DNAJC13: variants seen among roughly 807,000 people sequenced by gnomAD.
DNAJC13 encodes dnaJ homolog subfamily C member 13.
DNAJC13 carries 75 observed loss-of-function variants against 290.5 expected under a neutral mutation model. That is an observed-to-expected ratio of 0.26 (90% CI 0.21 to 0.31). The LOEUF is 0.31. Ranked by LOEUF, DNAJC13 falls within the 10% of genes least tolerant of loss-of-function variation. The pLI is 1.00. For synonymous variants in DNAJC13, 862 were observed against 892.0 expected, an observed-to-expected ratio of 0.97 and a Z score of 0.60; for missense variants, 2,260 against 2,674.5, an observed-to-expected ratio of 0.85 and a Z score of 3.42.
chr3:132,509,970 C>G (rs928294591), intron 43 of DNAJC13, among the ~76,000 whole-genome samples: 5 of 152,176 alleles, frequency 3.3e-5, no homozygotes, highest in African/African-American at 1.2e-4. Flanking sequence ...GAAATAATAC[C>G]AAATGCTTGT....
chr3:132,467,106 T>C, intron 19 of DNAJC13, 64 bp from the exon 20 acceptor site: 2 of 1,535,398 alleles, frequency 1.3e-6, no homozygotes, highest in Non-Finnish European at 1.8e-6. Context: ...TGACTCAGCT[T>C]TACATAGAGT....
At chr3:132,477,667 A>T (rs2062531) in intron 22 of DNAJC13, 122 bp from the exon 23 acceptor site, 1 of 674,844 alleles carries the variant, frequency 1.5e-6, no homozygotes, top group Non-Finnish European at 2.5e-6. Context: ...TGTTAACAAT[A>T]TTGAATTAAC....
chr3:132,447,253 G>T, intron 3 of DNAJC13, 68 bp from the exon 4 acceptor site: 1 of 1,289,622 alleles, frequency 7.8e-7, no homozygotes, highest in Non-Finnish European at 1.0e-6. Flanking sequence ...TGAAATTAAA[G>T]TGACAAAAAT....
At chr3:132,418,325 C>T (rs538216140) in intron 1 of DNAJC13, among the ~76,000 whole-genome samples, 2 of 152,336 alleles carry the variant, frequency 1.3e-5, no homozygotes, top group Admixed American at 6.5e-5. Context: ...TTCACGTGGC[C>T]TTTCCTCCGC....
intron 5 of DNAJC13, 137 bp from the exon 6 acceptor site, chr3:132,450,510 C>A: frequency 1.7e-6 from 1 of 586,806 alleles, no homozygotes; most frequent in Non-Finnish European, 2.9e-6. Flanking sequence ...ATAGTTTTAA[C>A]AATTTGGATA....
intron 32 of DNAJC13, among the ~76,000 whole-genome samples, chr3:132,491,924 G>A (rs530074770): frequency 2.2e-4 from 34 of 152,222 alleles, no homozygotes; most frequent in Non-Finnish European, 4.3e-4. Flanking sequence ...TAGCAACACA[G>A]TTCTTCTGTG....
At chr3:132,446,423 T>C in intron 2 of DNAJC13, 52 bp from the exon 3 acceptor site, 1 of 1,274,556 alleles carries the variant, frequency 7.8e-7, no homozygotes, top group Non-Finnish European at 1.1e-6. Flanking sequence ...TATTTTCTTA[T>C]AAAATATCTT....
At chr3:132,492,861 A>G (rs1323210084) in intron 33 of DNAJC13, among the ~76,000 whole-genome samples, 5 of 151,924 alleles carry the variant, frequency 3.3e-5, no homozygotes, top group African/African-American at 1.2e-4. Flanking sequence ...AGACAAAACA[A>G]ATTTCATGCA....
chr3:132,516,119 A>G (rs1199893704), intron 46 of DNAJC13, among the ~76,000 whole-genome samples: 1 of 152,126 alleles, frequency 6.6e-6, no homozygotes, highest in Non-Finnish European at 1.5e-5. Context: ...TTGGATGTGC[A>G]GTGCACAATG....
chr3:132,458,035 C>T (rs1933673276), intron 13 of DNAJC13: 1 of 152,006 alleles, frequency 6.6e-6, no homozygotes, highest in Non-Finnish European at 1.5e-5. Flanking sequence ...TTTAAAAACC[C>T]ACACTGGTAG....
intron 26 of DNAJC13, among the ~76,000 whole-genome samples, chr3:132,480,856 T>TA (rs1934643931): frequency 6.6e-6 from 1 of 152,200 alleles, no homozygotes; most frequent in Admixed American, 6.5e-5. Flanking sequence ...GACTGATACT[T>TA]AACTTATAGA....
Position 132,511,192 on chromosome 3 carries a change from G to A in DNAJC13, c.5241G>A (p.Pro1747=), listed in dbSNP as rs558102973. 17 of 1,613,704 alleles carry A rather than the reference G, an allele frequency of 1.1e-5. No homozygotes were observed. Among genetic ancestry groups the A allele is most frequent in the Admixed American group, 3.3e-5 (2 of 59,972 alleles). The change falls in exon 44 of 56, where the codon CCG becomes CCA. Residue 1747 remains proline (P), a synonymous_variant. Coordinates refer to ENST00000260818, the MANE Select transcript of DNAJC13 (RefSeq NM_015268.4). ...CAGAGCAACATGGAGATCGCTTACCGAGAGTAGAAATGGCTTTGGAGGCTC... is the reference window on the plus strand; with the variant it reads ...CAGAGCAACATGGAGATCGCTTACCAAGAGTAGAAATGGCTTTGGAGGCTC... ...VESEQHGDRL[P]RVEMALEALR...
intron 54 of DNAJC13, 83 bp downstream of exon 54, chr3:132,528,415 C>T: frequency 3.3e-6 from 5 of 1,505,430 alleles, no homozygotes; most frequent in Non-Finnish European, 4.5e-6. Context: ...TGTTCAAGTT[C>T]CACTTACAGA....
At chr3:132,440,262 AAG>A (rs1208122553) in intron 2 of DNAJC13, among the ~76,000 whole-genome samples, 6 of 152,214 alleles carry the variant, frequency 3.9e-5, no homozygotes, top group African/African-American at 1.4e-4. Context: ...ATCTCAAAAA[AAG>A]CAGTTATGGC....
At chr3:132,525,049 C>A (rs1163327468) in intron 51 of DNAJC13, among the ~76,000 whole-genome samples, 1 of 152,138 alleles carries the variant, frequency 6.6e-6, no homozygotes, top group East Asian at 1.9e-4. Flanking sequence ...TCTCTTAAAC[C>A]TGCAATAGAG....
chr3:132,488,816 C>T (rs531726823), intron 30 of DNAJC13, among the ~76,000 whole-genome samples, 160 bp from the exon 31 acceptor site: 33 of 152,070 alleles, frequency 2.2e-4, no homozygotes, highest in African/African-American at 7.7e-4. Flanking sequence ...CATTTAAGTT[C>T]TTGCCTTATT....
intron 7 of DNAJC13, 22 bp downstream of exon 7, chr3:132,453,526 T>C: frequency 2.5e-6 from 4 of 1,610,550 alleles, no homozygotes; most frequent in Non-Finnish European, 3.4e-6. Context: ...ATGTTAAAAA[T>C]GAAAATTTGT....
chr3:132,462,446 T>G, intron 15 of DNAJC13, 21 bp from the exon 16 acceptor site: 1 of 1,600,604 alleles, frequency 6.2e-7, no homozygotes, highest in Non-Finnish European at 8.5e-7. Flanking sequence ...TTTTTGATAC[T>G]TTTTCCCCCT....
chr3:132,482,899 C>G (rs1934724675), intron 27 of DNAJC13, among the ~76,000 whole-genome samples: 1 of 151,926 alleles, frequency 6.6e-6, no homozygotes, highest in South Asian at 2.1e-4. Flanking sequence ...GTACTTACGT[C>G]AAACTATAAT....
Sources: gnomAD v4.1 joint callset for allele counts (sites outside exome capture counted in the v4.1 genomes callset) on GRCh38, gnomAD v4.1.1 for gene constraint, MANE v1.5 for transcripts, NCBI Gene and HGNC (gene_info 2026-07-23, HGNC 2026-07-21) for gene names.